Variants in PTPRF observed in about 807,000 individuals in gnomAD.
PTPRF encodes protein tyrosine phosphatase receptor type F, also known as receptor-type tyrosine-protein phosphatase F.
Under a neutral mutation model 201.8 loss-of-function variants are expected in PTPRF, and 59 were observed. That is an observed-to-expected ratio of 0.29 (90% CI 0.24 to 0.36). The LOEUF (loss-of-function observed/expected upper bound fraction) is 0.36. PTPRF is among the 10% of genes least tolerant of loss of function. The pLI, the probability that PTPRF is intolerant of heterozygous loss-of-function variation, is 1.00. For synonymous variants in PTPRF, 1,088 were observed against 1,089.7 expected, an observed-to-expected ratio of 1.00 and a Z score of 0.03; for missense variants, 2,132 against 2,690.5, an observed-to-expected ratio of 0.79 and a Z score of 4.59.
chr1:43,572,335 A>T (rs2153989750), intron 6 of PTPRF, among the ~76,000 whole-genome samples: 1 of 152,242 alleles, frequency 6.6e-6, no homozygotes, highest in East Asian at 1.9e-4. Context: ...ATCTGCTCTA[A>T]TGTTCACTCC....
At chr1:43,576,457 A>C (rs1646936050) in intron 6 of PTPRF, among the ~76,000 whole-genome samples, 1 of 152,222 alleles carries the variant, frequency 6.6e-6, no homozygotes, top group Non-Finnish European at 1.5e-5. Flanking sequence ...AGTTCTGTGT[A>C]GGTGCTAGGA....
Position 43,605,626 on chromosome 1 carries a change from C to T in PTPRF, c.3483+4C>T. The T allele has an allele frequency of 1.2e-6, 2 of 1,613,792 alleles. No homozygotes were observed. Among genetic ancestry groups the T allele is most frequent in the Non-Finnish European group, 1.7e-6 (2 of 1,179,798 alleles). ...CGAGGAACTGGAGCTGGACGAGGTA[C>T]CTGGGGAGGGGATGGGGACACTGAC... On this transcript the variant is annotated splice_donor_region_variant and intron_variant, in intron 19 of 33. Transcript: ENST00000359947.
At chr1:43,616,207 C>G (rs1657821992) in intron 23 of PTPRF, among the ~76,000 whole-genome samples, 1 of 150,298 alleles carries the variant, frequency 6.7e-6, no homozygotes, top group Non-Finnish European at 1.5e-5. Flanking sequence ...CAGATAGTAT[C>G]CATCTGGAAA....
At chr1:43,589,609 C>T (rs535662981) in intron 8 of PTPRF, among the ~76,000 whole-genome samples, 12 of 150,172 alleles carry the variant, frequency 8.0e-5, no homozygotes, top group South Asian at 6.4e-4. Flanking sequence ...GTAAGCCTAG[C>T]GCTTTGGGAG....
chr1:43,605,096 C>T, intron 17 of PTPRF, 94 bp from the exon 18 acceptor site: 3 of 1,575,448 alleles, frequency 1.9e-6, no homozygotes, highest in Non-Finnish European at 2.6e-6. Flanking sequence ...GGCTGTGGAG[C>T]AGGAATGTGG....
intron 7 of PTPRF, among the ~76,000 whole-genome samples, chr1:43,581,342 T>C (rs1212744313): frequency 6.6e-6 from 1 of 152,150 alleles, no homozygotes; most frequent in Non-Finnish European, 1.5e-5. Flanking sequence ...AAACCTGACT[T>C]CTGTTGTCTC....
rs1023660567 is a variant in PTPRF, at chr1:43,583,659, C to T, written c.679+4739C>T. 3.6e-4 allele frequency among the ~76,000 whole-genome samples: 55 copies of T among 152,162 alleles called. 1 individual carries two copies. Among genetic ancestry groups the T allele is most frequent in the African/African-American group, 1.2e-3 (50 of 41,430 alleles). On this transcript the variant is annotated intron_variant, in intron 7 of 33. Coordinates refer to ENST00000359947, the MANE Select transcript of PTPRF (RefSeq NM_002840.5). The stretch of plus-strand genomic sequence containing the variant: ...CCTGTCCTTGAGGCCCTCAGGTCCC[C>T]CACCAGGGCTTAATGGGGCAGTCAG...
At chr1:43,614,659 T>G (rs780423573) in intron 23 of PTPRF, among the ~76,000 whole-genome samples, 1 of 152,170 alleles carries the variant, frequency 6.6e-6, no homozygotes, top group Non-Finnish European at 1.5e-5. Context: ...GAGACCAGCC[T>G]GGCCACCGTG....
intron 13 of PTPRF, among the ~76,000 whole-genome samples, chr1:43,600,163 G>A (rs1288818741): frequency 6.6e-6 from 1 of 152,206 alleles, no homozygotes; most frequent in Non-Finnish European, 1.5e-5. Context: ...GCACCCACCT[G>A]CATTCCTGGG....
intron 3 of PTPRF, among the ~76,000 whole-genome samples, chr1:43,550,661 A>T (rs920048159): frequency 1.3e-5 from 2 of 152,206 alleles, no homozygotes; most frequent in African/African-American, 4.8e-5. Context: ...AAACACCAAA[A>T]ATGTGGAAAA....
chr1:43,535,436 T>G (rs983682810), intron 1 of PTPRF, among the ~76,000 whole-genome samples: 3 of 152,212 alleles, frequency 2.0e-5, no homozygotes, highest in Non-Finnish European at 4.4e-5. Context: ...GTGGTCCAGA[T>G]GCACCATGTC....
intron 13 of PTPRF, among the ~76,000 whole-genome samples, 163 bp downstream of exon 13, chr1:43,599,076 G>C (rs528533535): frequency 6.6e-6 from 1 of 152,320 alleles, no homozygotes; most frequent in Admixed American, 6.5e-5. Context: ...AGCATCAGGG[G>C]TTAGGCTGGG....
At chr1:43,598,084 G>T in intron 12 of PTPRF, 31 bp downstream of exon 12, 8 of 1,449,284 alleles carry the variant, frequency 5.5e-6, no homozygotes, top group South Asian at 4.3e-5. Context: ...GGGAGGGGAG[G>T]CGTTCTGCCT....
intron 7 of PTPRF, among the ~76,000 whole-genome samples, chr1:43,586,486 A>G (rs190133260): frequency 3.3e-4 from 51 of 152,300 alleles, no homozygotes; most frequent in Admixed American, 9.1e-4. Context: ...GCCATGAGAC[A>G]CTTGCCAGCC....
intron 23 of PTPRF, among the ~76,000 whole-genome samples, chr1:43,615,192 A>C (rs1657442935): frequency 6.6e-6 from 1 of 152,172 alleles, no homozygotes; most frequent in South Asian, 2.1e-4. Context: ...CAAATGGATG[A>C]GTATGTCTGC....
intron 1 of PTPRF, among the ~76,000 whole-genome samples, chr1:43,534,604 G>T (rs1643892605): frequency 6.6e-6 from 1 of 152,152 alleles, no homozygotes; most frequent in Non-Finnish European, 1.5e-5. Context: ...GTGAGGAGGG[G>T]CAGAGAATAA....
At position 43,554,241 on chromosome 1, in the gene PTPRF, T is replaced by C. The variant is rs1645209450; in HGVS notation, c.379+300T>C. On this transcript the variant is annotated intron_variant, in intron 5 of 33. Transcript: ENST00000359947. The surrounding 1 kb of genome is among the most constrained non-coding windows in gnomAD (Gnocchi z 4.1). ...GTGTGGAGCTGCAGCTGTGTATCCCTTGGGTTACGTGGTTATGGCTGTGGC... is the reference window on the plus strand; with the variant it reads ...GTGTGGAGCTGCAGCTGTGTATCCCCTGGGTTACGTGGTTATGGCTGTGGC... Among the ~76,000 whole-genome samples the C allele has an allele frequency of 6.6e-6, 1 of 152,184 alleles. No individual in the cohort carries two copies. The highest frequency in any genetic ancestry group is 1.5e-5 in the Non-Finnish European group (1 of 68,026).
chr1:43,558,773 A>G (rs1362674073), intron 5 of PTPRF, among the ~76,000 whole-genome samples: 3 of 151,740 alleles, frequency 2.0e-5, no homozygotes, highest in Non-Finnish European at 2.9e-5. Context: ...GAGGGGAGGG[A>G]GGCAGGCCTG....
At chr1:43,599,005 T>G in intron 13 of PTPRF, 92 bp downstream of exon 13, 1 of 1,374,868 alleles carries the variant, frequency 7.3e-7, no homozygotes, top group Non-Finnish European at 1.0e-6. Context: ...CCTCTTCCCC[T>G]GCCTGCCCTC....
Sources: gnomAD v4.1 joint callset for allele counts (sites outside exome capture counted in the v4.1 genomes callset) on GRCh38, gnomAD v4.1.1 for gene constraint, Gnocchi (gnomAD v3.1) non-coding constraint, MANE v1.5 for transcripts, NCBI Gene and HGNC (gene_info 2026-07-23, HGNC 2026-07-21) for gene names.